The following PGM5 variants were observed in gnomAD, a reference collection of about 807,000 sequenced individuals.
The protein encoded by PGM5 is phosphoglucomutase-like protein 5.
In PGM5, 23 loss-of-function variants were observed where a neutral mutation model predicts 59.2. That is an observed-to-expected ratio of 0.39 (90% CI 0.28 to 0.55). The LOEUF (loss-of-function observed/expected upper bound fraction) is 0.55, where lower values mean the gene tolerates loss of function less well. Among genes scored for constraint, PGM5 ranks in the 20% least tolerant of loss-of-function variants. PGM5 has a pLI of 0.66. For synonymous variants in PGM5, 214 were observed against 286.0 expected, an observed-to-expected ratio of 0.75 and a Z score of 2.54; for missense variants, 574 against 748.3, an observed-to-expected ratio of 0.77 and a Z score of 2.72.
intron 6 of PGM5, among the ~76,000 whole-genome samples, chr9:68,439,452 A>G (rs1823492337): frequency 6.8e-6 from 1 of 146,466 alleles, no homozygotes; most frequent in Non-Finnish European, 1.5e-5. Context: ...TTATATATGT[A>G]AAATATATAT....
chr9:68,526,847 G>A (rs1824982409), intron 10 of PGM5, among the ~76,000 whole-genome samples: 1 of 152,164 alleles, frequency 6.6e-6, no homozygotes, highest in South Asian at 2.1e-4. Flanking sequence ...TAGAAAAAAA[G>A]TCTTCTTATT....
intron 1 of PGM5, among the ~76,000 whole-genome samples, chr9:68,376,642 G>A (rs1340663573): frequency 6.6e-6 from 1 of 152,052 alleles, no homozygotes; most frequent in Admixed American, 6.6e-5. Context: ...GTATGTTAAA[G>A]TTTGTTTTGG....
At chr9:68,461,441 A>G (rs928909967) in intron 6 of PGM5, among the ~76,000 whole-genome samples, 8 of 152,158 alleles carry the variant, frequency 5.3e-5, no homozygotes, top group Non-Finnish European at 8.8e-5. Flanking sequence ...TCGTTGCCAC[A>G]GGTTTTGTTA....
intron 10 of PGM5, among the ~76,000 whole-genome samples, chr9:68,508,190 A>G (rs1357127909): frequency 2.0e-5 from 3 of 152,090 alleles, no homozygotes; most frequent in Admixed American, 2.0e-4. Flanking sequence ...TTGTGGCAAT[A>G]TATACAAAAG....
chr9:68,464,925 A>G (rs1823909612), intron 6 of PGM5, among the ~76,000 whole-genome samples, 168 bp from the exon 7 acceptor site: 1 of 152,166 alleles, frequency 6.6e-6, no homozygotes, highest in African/African-American at 2.4e-5. Context: ...TGGGTTGTTT[A>G]TTATTTTCTA....
At chr9:68,459,731 C>T (rs1554685229) in intron 6 of PGM5, among the ~76,000 whole-genome samples, 1 of 151,342 alleles carries the variant, frequency 6.6e-6, no homozygotes, top group Admixed American at 6.6e-5. Context: ...TTTTAATTTG[C>T]ATTTCCCTGA....
rs781867219 is a variant in PGM5 at position 68,384,472 on chromosome 9, G to C, written c.499G>C (p.Asp167His). 18 of 1,608,428 alleles carry C rather than the reference G, an allele frequency of 1.1e-5. No individual in the cohort carries two copies. In the East Asian group the frequency reaches 4.0e-4, roughly 36 times the overall value. The change falls in exon 3 of 11, where the codon GAT (aspartate) becomes CAT (histidine). Residue 167 changes from aspartate to histidine, a missense_variant. Asp to His is a moderately conservative substitution (Grantham distance 81). Transcript: ENST00000396396. ...GATTGAGGAATATGCTATATGTCCTGATCTCCGAATCGACCTATCTCGACT... is the reference window on the plus strand; with the variant it reads ...GATTGAGGAATATGCTATATGTCCTCATCTCCGAATCGACCTATCTCGACT... ...KTIEEYAICP[D>H]LRIDLSRLGR...
At chr9:68,380,982 A>T (rs1822058296) in intron 2 of PGM5, among the ~76,000 whole-genome samples, 1 of 151,964 alleles carries the variant, frequency 6.6e-6, no homozygotes. Flanking sequence ...AAACGGCTTC[A>T]TGGCTGAATT....
chr9:68,420,845 T>C (rs1564000979), intron 6 of PGM5, among the ~76,000 whole-genome samples: 1 of 152,182 alleles, frequency 6.6e-6, no homozygotes, highest in Admixed American at 6.5e-5. Context: ...AAAATGAAGA[T>C]GTAAATGCCT....
chr9:68,402,734 G>A (rs265107), intron 6 of PGM5, among the ~76,000 whole-genome samples: 73,510 of 151,760 alleles, frequency 0.48, 19,090 homozygotes, highest in Non-Finnish European at 0.58. Flanking sequence ...GCTTGACAAC[G>A]TTTTAAAATG....
At chr9:68,367,003 G>T (rs1834691730) in intron 1 of PGM5, among the ~76,000 whole-genome samples, 1 of 151,910 alleles carries the variant, frequency 6.6e-6, no homozygotes, top group Admixed American at 6.6e-5. Context: ...CTTGACTTTT[G>T]GCATTTCTCC....
intron 6 of PGM5, among the ~76,000 whole-genome samples, chr9:68,413,638 A>T (rs180715321): frequency 6.6e-6 from 1 of 152,230 alleles, no homozygotes; most frequent in Non-Finnish European, 1.5e-5. Context: ...GCATTCTTAT[A>T]TCAGTGCATC....
At chr9:68,482,192 C>T (rs184502271) in intron 8 of PGM5, among the ~76,000 whole-genome samples, 3 of 152,026 alleles carry the variant, frequency 2.0e-5, no homozygotes, top group East Asian at 3.9e-4. Flanking sequence ...CTAGACTGAA[C>T]GTGATCTATC....
chr9:68,423,804 G>A (rs1554682533), intron 6 of PGM5, among the ~76,000 whole-genome samples: 1 of 152,094 alleles, frequency 6.6e-6, no homozygotes. Flanking sequence ...GAAAAGTGTG[G>A]TCACGCATAC....
intron 8 of PGM5, among the ~76,000 whole-genome samples, chr9:68,480,005 A>G (rs1362460051): frequency 2.0e-5 from 3 of 151,916 alleles, no homozygotes; most frequent in African/African-American, 7.3e-5. Context: ...CCTTATAGAT[A>G]GTTGGGGGTG....
At chr9:68,487,275 C>A (rs1209190727) in intron 9 of PGM5, among the ~76,000 whole-genome samples, 1 of 152,132 alleles carries the variant, frequency 6.6e-6, no homozygotes, top group Non-Finnish European at 1.5e-5. Context: ...ATAATTATCA[C>A]ACATGCATCA....
chr9:68,446,716 T>A (rs1001319270), intron 6 of PGM5, among the ~76,000 whole-genome samples: 1 of 152,244 alleles, frequency 6.6e-6, no homozygotes, highest in South Asian at 2.1e-4. Context: ...ATACTTTGGC[T>A]TCATGAAATG....
At chr9:68,473,054 A>C (rs1824046907) in intron 7 of PGM5, among the ~76,000 whole-genome samples, 1 of 152,174 alleles carries the variant, frequency 6.6e-6, no homozygotes, top group Admixed American at 6.5e-5. Flanking sequence ...AAAGATCTGA[A>C]CATAAGTGGT....
At position 68,530,334 on chromosome 9, in the gene PGM5, A is replaced by G. The variant is rs1477894658; in HGVS notation, c.*678A>G. ...CCTCTCTTATTTTGTAAATAGTATT[A>G]TTTTAGCTATTAAGCTGGATACCTT... On this transcript the variant is annotated 3_prime_UTR_variant, in exon 11 of 11. Transcript: ENST00000396396. 2.0e-5 allele frequency: 3 copies of G among 152,216 alleles called. No individual in the cohort carries two copies. Among genetic ancestry groups the G allele is most frequent in the Non-Finnish European group, 4.4e-5 (3 of 68,036 alleles). 9.4% of individuals were successfully genotyped at this position (152,216 alleles called of 1,614,324 possible).
Sources: allele counts gnomAD v4.1 joint callset (sites outside exome capture counted in the v4.1 genomes callset), GRCh38; gene constraint gnomAD v4.1.1; transcripts MANE v1.5; gene names NCBI Gene and HGNC (gene_info 2026-07-23, HGNC 2026-07-21).